The following STK24 variants were observed in gnomAD, a reference collection of about 807,000 sequenced individuals.
STK24 encodes the protein serine/threonine-protein kinase 24.
A neutral mutation model predicts 55.6 loss-of-function variants in STK24; 21 were observed. The observed-to-expected ratio is 0.38, with a 90% confidence interval of 0.27 to 0.54. The LOEUF is 0.54. Among genes scored for constraint, STK24 ranks in the 20% least tolerant of loss-of-function variants. The pLI is 0.79. For missense variants in STK24, 383 were observed against 538.4 expected (o/e 0.71, Z 2.86); for synonymous variants, 200 against 215.2 (o/e 0.93, Z 0.62).
At chr13:98,573,324 G>C (rs973042420) in intron 1 of STK24, among the ~76,000 whole-genome samples, 1 of 152,210 alleles carries the variant, frequency 6.6e-6, no homozygotes, top group Non-Finnish European at 1.5e-5. Flanking sequence ...GCCGATTGGT[G>C]TTCCTGCCTC....
chr13:98,476,042 A>G (rs1219282413), intron 3 of STK24, among the ~76,000 whole-genome samples: 1 of 151,746 alleles, frequency 6.6e-6, no homozygotes, highest in Non-Finnish European at 1.5e-5. Context: ...TATAATAATA[A>G]TAACTATTAT....
chr13:98,521,754 C>T (rs1237097559), intron 1 of STK24: 1 of 779,820 alleles, frequency 1.3e-6, no homozygotes, highest in African/African-American at 1.7e-5. Context: ...ATCCTCGCTG[C>T]TTTCATGCCC....
chr13:98,549,551 C>T (rs542580967), intron 1 of STK24, among the ~76,000 whole-genome samples: 47 of 152,272 alleles, frequency 3.1e-4, no homozygotes, highest in African/African-American at 1.1e-3. Flanking sequence ...CCAGCAAGAT[C>T]TGGTTGTTTA....
At chr13:98,462,098 G>A (rs1298165686) in intron 7 of STK24, among the ~76,000 whole-genome samples, 2 of 151,684 alleles carry the variant, frequency 1.3e-5, no homozygotes, top group Non-Finnish European at 2.9e-5. Context: ...AGAGACCATC[G>A]GGAGGTGGTT....
chr13:98,484,989 C>T (rs1214422898), intron 2 of STK24, among the ~76,000 whole-genome samples: 6 of 152,184 alleles, frequency 3.9e-5, no homozygotes, highest in East Asian at 3.8e-4. Flanking sequence ...GAGGTCACTG[C>T]GTCTCAAATA....
intron 1 of STK24, among the ~76,000 whole-genome samples, chr13:98,547,238 T>A (rs996786559): frequency 6.6e-6 from 1 of 152,162 alleles, no homozygotes; most frequent in African/African-American, 2.4e-5. Flanking sequence ...GGGTAACTTT[T>A]ATGTTAAAAT....
chr13:98,506,165 A>G (rs1895672263), intron 2 of STK24, among the ~76,000 whole-genome samples: 1 of 152,210 alleles, frequency 6.6e-6, no homozygotes, highest in African/African-American at 2.4e-5. Context: ...ACCAGTCACC[A>G]CTCCAGAAAC....
intron 1 of STK24, among the ~76,000 whole-genome samples, chr13:98,563,284 G>A (rs1375890041): frequency 2.0e-5 from 3 of 152,148 alleles, no homozygotes; most frequent in Non-Finnish European, 4.4e-5. Context: ...CACTTCAATC[G>A]CATCCTCTGC....
At chr13:98,475,159 TG>T (rs1378056694) in intron 4 of STK24, 90 bp downstream of exon 4, 1 of 1,402,690 alleles carries the variant, frequency 7.1e-7, no homozygotes, top group Non-Finnish European at 9.7e-7. Context: ...GCAGGACAAA[TG>T]GGCGCCAGCA....
chr13:98,497,833 G>A (rs746551576), intron 2 of STK24, among the ~76,000 whole-genome samples: 9 of 152,094 alleles, frequency 5.9e-5, no homozygotes, highest in East Asian at 1.9e-4. Flanking sequence ...AGGGTACAGC[G>A]TCCTGGGGAC....
chr13:98,531,473 C>T (rs59586324), intron 1 of STK24, among the ~76,000 whole-genome samples: 28,006 of 152,082 alleles, frequency 0.18, 2,806 homozygotes, highest in Non-Finnish European at 0.23. Context: ...CCCTGGGAAG[C>T]GCCCAGGGCA....
chr13:98,453,452 T>C, intron 10 of STK24: 1 of 511,694 alleles, frequency 2.0e-6, no homozygotes, highest in Non-Finnish European at 3.4e-6. Flanking sequence ...TCAGCCTCCC[T>C]GGAGAGATGT....
At chr13:98,544,642 C>G (rs1282967309) in intron 1 of STK24, among the ~76,000 whole-genome samples, 1 of 152,222 alleles carries the variant, frequency 6.6e-6, no homozygotes, top group Non-Finnish European at 1.5e-5. Flanking sequence ...CCCTCCTAAG[C>G]CAAAGAATCC....
At chr13:98,499,322 C>G (rs549829762) in intron 2 of STK24, among the ~76,000 whole-genome samples, 1 of 152,154 alleles carries the variant, frequency 6.6e-6, no homozygotes, top group Non-Finnish European at 1.5e-5. Flanking sequence ...CCCAGACGCA[C>G]GGCAGAGGGA....
rs74638048 is a variant in STK24 at position 98,520,023 on chromosome 13, A to G, written c.43-550T>C. ...TCTAACCAGATTCCAGAAAACAATAAGCAGCCTGTTTTGTCACATACATGC... is the reference window on the plus strand; with the variant it reads ...TCTAACCAGATTCCAGAAAACAATAGGCAGCCTGTTTTGTCACATACATGC... On this transcript the variant is annotated intron_variant, in intron 1 of 10. Transcript: ENST00000539966. 9.0e-3 allele frequency among the ~76,000 whole-genome samples: 1,377 copies of G among 152,328 alleles called. 5 individuals are homozygous for G. Among genetic ancestry groups the G allele is most frequent in the Non-Finnish European group, 0.015 (1,010 of 68,020 alleles).
rs1166399310 is a variant in STK24 at position 98,446,601 on chromosome 13, A to C, written c.*6572T>G. ...CCCAAGTCCCTGTCTGATGCGGGGC[A>C]GCAGCCAGGCCCAGCAGCAGAAGCT... On this transcript the variant is annotated 3_prime_UTR_variant, in exon 11 of 11. Transcript: ENST00000539966. The C allele has an allele frequency of 2.5e-5, 39 of 1,551,118 alleles. No individual in the cohort carries two copies. Among genetic ancestry groups the C allele is most frequent in the Non-Finnish European group, 3.5e-5 (39 of 1,129,432 alleles).
chr13:98,541,312 G>A (rs1403031188), intron 1 of STK24, among the ~76,000 whole-genome samples: 1 of 152,140 alleles, frequency 6.6e-6, no homozygotes, highest in Non-Finnish European at 1.5e-5. Flanking sequence ...TATTGGGCCC[G>A]AGAAATAGCA....
intron 1 of STK24, among the ~76,000 whole-genome samples, chr13:98,551,504 C>T (rs370827209): frequency 6.6e-6 from 1 of 151,342 alleles, no homozygotes; most frequent in Non-Finnish European, 1.5e-5. Context: ...CTTTCTATCA[C>T]GGCTTCTTTC....
intron 2 of STK24, among the ~76,000 whole-genome samples, chr13:98,506,331 C>T (rs1284014372): frequency 2.6e-5 from 4 of 152,220 alleles, no homozygotes; most frequent in African/African-American, 9.6e-5. Flanking sequence ...TACAGCTTTT[C>T]AGACAGCTGG....
Sources: gnomAD v4.1 joint callset for allele counts (sites outside exome capture counted in the v4.1 genomes callset) on GRCh38, gnomAD v4.1.1 for gene constraint, MANE v1.5 for transcripts, NCBI Gene and HGNC (gene_info 2026-07-23, HGNC 2026-07-21) for gene names.